The following CDK8 variants were observed in gnomAD, a reference collection of about 807,000 sequenced individuals.
CDK8 encodes cyclin-dependent kinase 8.
CDK8 carries 29 observed loss-of-function variants against 71.5 expected under a neutral mutation model. The ratio of observed to expected loss-of-function variants is 0.41; its 90% CI spans 0.30 to 0.55. The LOEUF is 0.55. CDK8 is among the 20% of genes least tolerant of loss of function. The pLI, the probability that CDK8 is intolerant of heterozygous loss-of-function variation, is 0.37. For missense variants in CDK8, 288 were observed against 572.6 expected (o/e 0.50, Z 5.07); for synonymous variants, 161 against 192.1 (o/e 0.84, Z 1.34).
At chr13:26,384,063 G>A (rs774259654) in intron 5 of CDK8, among the ~76,000 whole-genome samples, 3 of 152,098 alleles carry the variant, frequency 2.0e-5, no homozygotes. Context: ...ATAATTTAGG[G>A]AAAATTTATG....
At chr13:26,336,846 G>A (rs1454323166) in intron 1 of CDK8, among the ~76,000 whole-genome samples, 4 of 152,120 alleles carry the variant, frequency 2.6e-5, no homozygotes, top group Non-Finnish European at 4.4e-5. Flanking sequence ...GAGCCACCGC[G>A]CCCGGCCTCT....
intron 4 of CDK8, among the ~76,000 whole-genome samples, chr13:26,368,229 C>CT (rs1555233117): frequency 6.6e-6 from 1 of 152,182 alleles, no homozygotes; most frequent in Admixed American, 6.5e-5. Context: ...CACCACTACT[C>CT]TAATTCAGGC....
At chr13:26,348,076 A>G (rs192685861) in intron 2 of CDK8, among the ~76,000 whole-genome samples, 68 of 152,028 alleles carry the variant, frequency 4.5e-4, no homozygotes, top group Middle Eastern at 3.4e-3. Flanking sequence ...TGTGATATCT[A>G]TATATATATC....
intron 7 of CDK8, among the ~76,000 whole-genome samples, chr13:26,395,335 ATTACAGGC>A (rs1875935307): frequency 1.3e-5 from 2 of 151,616 alleles, no homozygotes; most frequent in Admixed American, 1.3e-4. Context: ...CCTGTAATGT[ATTACAGGC>A]ATGGGATTAC....
At chr13:26,326,783 A>G (rs1410281) in intron 1 of CDK8, among the ~76,000 whole-genome samples, 126,264 of 152,208 alleles carry the variant, frequency 0.83, 54,049 homozygotes, top group East Asian at 0.99. Context: ...GTCTCTGTCT[A>G]ATGATGCTTC....
chr13:26,379,409 A>G (rs1310099019), intron 4 of CDK8, among the ~76,000 whole-genome samples: 1 of 152,188 alleles, frequency 6.6e-6, no homozygotes, highest in Non-Finnish European at 1.5e-5. Context: ...CAAAGATACT[A>G]TTTATCCCCC....
At chr13:26,255,770 A>G (rs1222235127) in intron 1 of CDK8, among the ~76,000 whole-genome samples, 1 of 152,222 alleles carries the variant, frequency 6.6e-6, no homozygotes, top group East Asian at 1.9e-4. Flanking sequence ...ATTAGAAACG[A>G]AGTAGCTTTA....
At chr13:26,364,027 G>A (rs973945378) in intron 4 of CDK8, among the ~76,000 whole-genome samples, 3 of 152,080 alleles carry the variant, frequency 2.0e-5, no homozygotes, top group African/African-American at 7.2e-5. Flanking sequence ...GTTTTTGTTT[G>A]AGGTGTATTT....
intron 1 of CDK8, among the ~76,000 whole-genome samples, chr13:26,303,311 T>A (rs771685974): frequency 1.4e-4 from 21 of 151,246 alleles, no homozygotes; most frequent in Admixed American, 3.9e-4. Flanking sequence ...ATATATTTCT[T>A]TTTTTTTTGA....
At chr13:26,403,881 C>T (rs1876382172) in intron 12 of CDK8, 75 bp from the exon 13 acceptor site, 3 of 1,534,452 alleles carry the variant, frequency 2.0e-6, no homozygotes, top group Admixed American at 3.4e-5. Context: ...AACATAATGA[C>T]ACTTCAGTCA....
In CDK8 at chr13:26,366,803, T is replaced by C. The variant is rs147163940; in HGVS notation, c.456+12923T>C. Among the ~76,000 whole-genome samples the C allele has an allele frequency of 2.5e-3, 379 of 152,348 alleles. 13 individuals are homozygous for C. Among genetic ancestry groups the C allele is most frequent in the Admixed American group, 0.022 (331 of 15,300 alleles). ...CATAGAAGTTGGGAAGATAGATTGCTAATTTTTAAAAATTCATTTAACATC... is the reference window on the plus strand; with the variant it reads ...CATAGAAGTTGGGAAGATAGATTGCCAATTTTTAAAAATTCATTTAACATC... On this transcript the variant is annotated intron_variant, in intron 4 of 12. Transcript: ENST00000381527.
At chr13:26,346,977 G>C (rs570809719) in intron 2 of CDK8, among the ~76,000 whole-genome samples, 1 of 152,252 alleles carries the variant, frequency 6.6e-6, no homozygotes, top group Non-Finnish European at 1.5e-5. Context: ...TTTCTCACCT[G>C]GCTGTCCAGT....
At chr13:26,326,332 G>T (rs562046551) in intron 1 of CDK8, among the ~76,000 whole-genome samples, 2 of 152,132 alleles carry the variant, frequency 1.3e-5, no homozygotes, top group Non-Finnish European at 2.9e-5. Flanking sequence ...GACTCATACA[G>T]ACAGTGACTA....
chr13:26,319,282 A>G (rs960455405), intron 1 of CDK8, among the ~76,000 whole-genome samples: 3 of 152,148 alleles, frequency 2.0e-5, no homozygotes, highest in Admixed American at 1.3e-4. Context: ...AGCCTGGCCA[A>G]CATAGTGAAA....
chr13:26,268,746 G>T (rs904306285), intron 1 of CDK8, among the ~76,000 whole-genome samples: 2 of 152,084 alleles, frequency 1.3e-5, no homozygotes, highest in African/African-American at 4.8e-5. Flanking sequence ...ACTTTCATCA[G>T]ATTTCTCTAT....
intron 4 of CDK8, among the ~76,000 whole-genome samples, chr13:26,373,017 TACC>T (rs1214163734): frequency 1.3e-5 from 2 of 152,328 alleles, no homozygotes; most frequent in Middle Eastern, 6.8e-3. Context: ...CCCAGGTATT[TACC>T]ACTTCAGAGC....
At chr13:26,356,075 G>A (rs949740168) in intron 4 of CDK8, among the ~76,000 whole-genome samples, 1 of 152,074 alleles carries the variant, frequency 6.6e-6, no homozygotes, top group Non-Finnish European at 1.5e-5. Context: ...TTTGACATAG[G>A]GGTAGTATAG....
At chr13:26,390,845 A>G (rs1367234976) in intron 6 of CDK8, among the ~76,000 whole-genome samples, 1 of 152,084 alleles carries the variant, frequency 6.6e-6, no homozygotes, top group Non-Finnish European at 1.5e-5. Context: ...AATTCCTACT[A>G]TTTCCTTTGC....
intron 1 of CDK8, among the ~76,000 whole-genome samples, chr13:26,308,328 G>C (rs1023709715): frequency 6.6e-6 from 1 of 152,208 alleles, no homozygotes; most frequent in Non-Finnish European, 1.5e-5. Flanking sequence ...CATAGTTGGA[G>C]GTATAGGTAG....
Sources: allele counts gnomAD v4.1 joint callset (sites outside exome capture counted in the v4.1 genomes callset), GRCh38; gene constraint gnomAD v4.1.1; transcripts MANE v1.5; gene names NCBI Gene and HGNC (gene_info 2026-07-23, HGNC 2026-07-21).